KDM7A: variants seen among roughly 807,000 people sequenced by gnomAD.
KDM7A encodes lysine-specific demethylase 7A.
In KDM7A, 28 loss-of-function variants were observed where a neutral mutation model predicts 114.8. The observed-to-expected ratio is 0.24, with a 90% CI of 0.18 to 0.33. KDM7A has a LOEUF of 0.33. KDM7A is among the 10% of genes least tolerant of loss of function. The pLI is 1.00. For missense variants in KDM7A, 942 were observed against 1,142.5 expected, an observed-to-expected ratio of 0.82 and a Z score of 2.53; for synonymous variants, 423 against 397.8, an observed-to-expected ratio of 1.06 and a Z score of -0.75.
intron 1 of KDM7A, among the ~76,000 whole-genome samples, chr7:140,142,481 A>C (rs117898791): frequency 6.6e-6 from 1 of 152,244 alleles, no homozygotes; most frequent in East Asian, 1.9e-4. Flanking sequence ...TCATAAAAGG[A>C]ACTCTAAGTG....
Position 140,114,969 on chromosome 7 carries a change from G to T in KDM7A, c.1247-1387C>A, listed in dbSNP as rs1319918362. ...CTTCTGATAACTGAGGAGCCCCTCC[G>T]CCCGGCAGCCGCCCCATCCGGGAAG... On this transcript the variant is annotated intron_variant, in intron 9 of 19. Transcript: ENST00000397560. Among the ~76,000 whole-genome samples the T allele has an allele frequency of 4.0e-5, 6 of 148,692 alleles. No individual in the cohort carries two copies. In the South Asian group the frequency reaches 1.3e-3, roughly 32 times the overall value.
intron 1 of KDM7A, among the ~76,000 whole-genome samples, chr7:140,162,465 T>G (rs1195224539): frequency 1.3e-5 from 2 of 152,328 alleles, no homozygotes; most frequent in East Asian, 3.9e-4. Flanking sequence ...AACAAAACAT[T>G]GAGACTGTTT....
chr7:140,133,614 A>G lies in KDM7A; in HGVS notation c.323T>C (p.Ile108Thr), dbSNP rs370047678. Residue 108 changes from isoleucine to threonine, a missense_variant, in exon 3 of 20, where the codon ATT becomes ACT. Coordinates refer to ENST00000397560, the MANE Select transcript of KDM7A (RefSeq NM_030647.2). ...RNWHRHDYTE[I>T]DDGSKPVQAG... ...TTGCACTGGTTTGGAACCATCATCA[A>G]TTTCTGTGTAGTCATGTCTGTGCCA... 84 of 1,612,508 alleles carry G rather than the reference A, an allele frequency of 5.2e-5. No homozygotes were observed. The highest frequency in any genetic ancestry group is 1.7e-4 in the Middle Eastern group (1 of 6,056).
intron 8 of KDM7A, among the ~76,000 whole-genome samples, chr7:140,120,193 T>A (rs190378719): frequency 1.2e-3 from 179 of 152,338 alleles, no homozygotes; most frequent in African/African-American, 3.5e-3. Flanking sequence ...CACAAAATTT[T>A]GAAATTTGGA....
intron 1 of KDM7A, among the ~76,000 whole-genome samples, chr7:140,158,400 A>G (rs1257897117): frequency 6.6e-6 from 1 of 152,202 alleles, no homozygotes; most frequent in Non-Finnish European, 1.5e-5. Flanking sequence ...CAAATAATTT[A>G]GTGCAGATTA....
At chr7:140,159,743 C>T (rs1242415931) in intron 1 of KDM7A, among the ~76,000 whole-genome samples, 3 of 152,064 alleles carry the variant, frequency 2.0e-5, no homozygotes, top group Non-Finnish European at 4.4e-5. Context: ...TCAAGAGGAC[C>T]TCAGGACCCA....
intron 13 of KDM7A, 46 bp from the exon 14 acceptor site, chr7:140,099,079 T>A: frequency 7.1e-7 from 1 of 1,417,928 alleles, no homozygotes; most frequent in Non-Finnish European, 9.8e-7. Flanking sequence ...CAAGACTCTG[T>A]AGCCAAACAG....
chr7:140,169,544 A>G (rs1159653500), intron 1 of KDM7A, among the ~76,000 whole-genome samples: 1 of 152,108 alleles, frequency 6.6e-6, no homozygotes, highest in Non-Finnish European at 1.5e-5. Context: ...TTTGTTTTTT[A>G]AGACAAAGTC....
intron 1 of KDM7A, among the ~76,000 whole-genome samples, chr7:140,175,821 C>G (rs1444618395): frequency 0.17 from 10 of 58 alleles, no homozygotes; most frequent in East Asian, 0.5. Flanking sequence ...TCGCCGGCAC[C>G]GGCGCCCGGG....
Position 140,089,418 on chromosome 7 carries a change from G to A in KDM7A, c.*1676C>T, listed in dbSNP as rs1817985450. ...TGCAACCATGAAAGATGATGGTACA[G>A]ACTTTTTTCTTCTTAGCAATTCAAG... On this transcript the variant is annotated 3_prime_UTR_variant, in exon 20 of 20. Transcript: ENST00000397560. The A allele has an allele frequency of 6.6e-6, 1 of 152,168 alleles. No individual in the cohort carries two copies. The allele number at this position is 152,168 out of a possible 1,614,324, so 9.4% of individuals were successfully genotyped here.
rs1046104294 is a variant in KDM7A, at chr7:140,114,438, G to A, written c.1247-856C>T. 2.0e-5 allele frequency among the ~76,000 whole-genome samples: 3 copies of A among 152,102 alleles called. No homozygotes were observed. In the South Asian group the frequency reaches 6.2e-4, roughly 32 times the overall value. ...GCCAGCCTTGGCCTCCCGAGGTGCC[G>A]GGATTGCAGACGGAGTCTCGTTCAC... On this transcript the variant is annotated intron_variant, in intron 9 of 19. Coordinates refer to ENST00000397560, the MANE Select transcript of KDM7A (RefSeq NM_030647.2).
rs181445513 is a variant in KDM7A, at chr7:140,160,348, C to T, written c.194+16396G>A. 7.6e-4 allele frequency among the ~76,000 whole-genome samples: 115 copies of T among 152,248 alleles called. 1 individual carries two copies. Among genetic ancestry groups the T allele is most frequent in the South Asian group, 3.5e-3 (17 of 4,826 alleles). ...GGAAGAAAAGTCACTCATATCCTAA[C>T]GTTACTTGAAGTCCTAAGAAGCTTG... On this transcript the variant is annotated intron_variant, in intron 1 of 19. Transcript: ENST00000397560.
chr7:140,129,326 G>A (rs56853352), intron 4 of KDM7A, among the ~76,000 whole-genome samples, 167 bp downstream of exon 4: 400 of 152,300 alleles, frequency 2.6e-3, no homozygotes, highest in African/African-American at 7.7e-3. Context: ...TCTGACAGTT[G>A]TAGGTCTGCT....
intron 18 of KDM7A, among the ~76,000 whole-genome samples, chr7:140,093,226 CA>C (rs1818051553): frequency 2.6e-5 from 4 of 152,176 alleles, no homozygotes; most frequent in Admixed American, 2.6e-4. Context: ...TGGAAGATGG[CA>C]AAACCCAGGA....
Position 140,091,058 on chromosome 7 carries a change from T to TC in KDM7A, c.*35dup. 6.7e-7 allele frequency: 1 copy of TC among 1,490,532 alleles called. No homozygotes were observed. Among genetic ancestry groups the TC allele is most frequent in the Non-Finnish European group, 9.4e-7 (1 of 1,067,146 alleles). The allele number at this position is 1,490,532 out of a possible 1,614,324, so 92.3% of individuals were successfully genotyped here. On this transcript the variant is annotated 3_prime_UTR_variant, in exon 20 of 20. Coordinates refer to ENST00000397560, the MANE Select transcript of KDM7A (RefSeq NM_030647.2). Reference sequence around the variant, plus strand: ...CCAGGCTCCTGCACCCCTAGACTGGTCTCCAAAGGGAAGAATGGCTGCAAC... The same window carrying TC: ...CCAGGCTCCTGCACCCCTAGACTGGTCCTCCAAAGGGAAGAATGGCTGCAAC...
At chr7:140,131,786 G>A (rs1002922869) in intron 3 of KDM7A, among the ~76,000 whole-genome samples, 6 of 152,150 alleles carry the variant, frequency 3.9e-5, no homozygotes, top group Non-Finnish European at 8.8e-5. Context: ...CATACATAAT[G>A]ACAAGTGTTT....
intron 12 of KDM7A, 81 bp from the exon 13 acceptor site, chr7:140,100,104 C>G (rs1438421856): frequency 6.9e-7 from 1 of 1,440,440 alleles, no homozygotes; most frequent in Non-Finnish European, 9.7e-7. Context: ...TATACCACCA[C>G]CTCCCCCATG....
chr7:140,139,349 C>A (rs1794230158), intron 1 of KDM7A, among the ~76,000 whole-genome samples, 159 bp from the exon 2 acceptor site: 1 of 152,156 alleles, frequency 6.6e-6, no homozygotes, highest in Non-Finnish European at 1.5e-5. Flanking sequence ...TTATTCTGTT[C>A]TCTACAAACT....
chr7:140,174,612 T>C (rs1051455268), intron 1 of KDM7A, among the ~76,000 whole-genome samples: 1 of 152,114 alleles, frequency 6.6e-6, no homozygotes, highest in Non-Finnish European at 1.5e-5. Flanking sequence ...TCTTTTTTCT[T>C]TTTTTTTGAG....
Sources: gnomAD v4.1 joint callset for allele counts (sites outside exome capture counted in the v4.1 genomes callset) on GRCh38, gnomAD v4.1.1 for gene constraint, MANE v1.5 for transcripts, NCBI Gene and HGNC (gene_info 2026-07-23, HGNC 2026-07-21) for gene names.